IL17REL: variants seen among roughly 807,000 people sequenced by gnomAD.
IL17REL encodes the protein interleukin-17 receptor E-like protein.
IL17REL carries 36 observed loss-of-function variants against 49.0 expected under a neutral mutation model. The observed-to-expected ratio is 0.73, with a 90% CI of 0.56 to 0.97. IL17REL has a LOEUF of 0.97. Among genes scored for constraint, IL17REL ranks in the 50% least tolerant of loss-of-function variants. IL17REL has a pLI of 0.00. For synonymous variants in IL17REL, 206 were observed against 192.4 expected (o/e 1.07, Z -0.58); for missense variants, 470 against 453.9 (o/e 1.04, Z -0.32).
chr22:49,997,402 T>C, exon 11 of IL17REL: 1 of 1,613,702 alleles, frequency 6.2e-7, no homozygotes, highest in Non-Finnish European at 8.5e-7. Flanking sequence ...CAGGTGCACC[T>C]GGAAGTGGGC....
intron 1 of IL17REL, among the ~76,000 whole-genome samples, chr22:50,005,137 C>G (rs1333334056): frequency 6.6e-6 from 1 of 151,980 alleles, no homozygotes; most frequent in African/African-American, 2.4e-5. Context: ...CCCAACTAAG[C>G]TGACAAAATG....
At chr22:49,999,173 C>T (rs2061058066) in intron 7 of IL17REL, 118 bp downstream of exon 9, 3 of 1,252,340 alleles carry the variant, frequency 2.4e-6, no homozygotes, top group South Asian at 2.4e-5. Flanking sequence ...CGAGCAGGCT[C>T]AGGGATTTAG....
intron 7 of IL17REL, among the ~76,000 whole-genome samples, chr22:49,998,791 G>A (rs539843403): frequency 1.4e-4 from 21 of 151,794 alleles, no homozygotes; most frequent in South Asian, 1.0e-3. Context: ...GTGGGTGTGC[G>A]TATGCATGGG....
upstream of IL17REL, among the ~76,000 whole-genome samples, chr22:50,010,277 C>T (rs923566363): frequency 4.6e-5 from 7 of 152,208 alleles, no homozygotes; most frequent in African/African-American, 1.7e-4. Flanking sequence ...GAGGGGCCGG[C>T]GGAGCTGACC....
At chr22:50,001,918 C>A (rs1431347010) in intron 1 of IL17REL, among the ~76,000 whole-genome samples, 1 of 152,248 alleles carries the variant, frequency 6.6e-6, no homozygotes, top group Admixed American at 6.5e-5. Context: ...GCCACCGAGG[C>A]GTGGGACCCA....
intron 7 of IL17REL, among the ~76,000 whole-genome samples, chr22:49,998,941 G>A (rs933761988): frequency 2.0e-5 from 3 of 152,080 alleles, no homozygotes; most frequent in African/African-American, 7.2e-5. Flanking sequence ...GCATGTGTAT[G>A]GGCGTGTATG....
downstream of IL17REL, among the ~76,000 whole-genome samples, chr22:49,992,501 C>T (rs1008202837): frequency 6.6e-6 from 1 of 152,248 alleles, no homozygotes; most frequent in Non-Finnish European, 1.5e-5. Flanking sequence ...AATCATGGCT[C>T]ACTGCAGCCT....
chr22:50,010,292 G>A (rs1051017471), upstream of IL17REL, among the ~76,000 whole-genome samples: 1 of 152,246 alleles, frequency 6.6e-6, no homozygotes, highest in Non-Finnish European at 1.5e-5. Context: ...CTGACCCCAG[G>A]CTGCTGAGGG....
At chr22:50,009,403 C>G (rs2061126623), upstream of IL17REL, among the ~76,000 whole-genome samples, 1 of 152,174 alleles carries the variant, frequency 6.6e-6, no homozygotes, top group East Asian at 1.9e-4. Flanking sequence ...CGCAGACAGC[C>G]TGTGGGTGAG....
exon 3 of IL17REL, chr22:50,000,803 T>G: frequency 6.2e-7 from 1 of 1,604,290 alleles, no homozygotes; most frequent in African/African-American, 1.3e-5. Context: ...CCACACGCTC[T>G]GACACTGCGT....
intron 4 of IL17REL, 101 bp downstream of exon 5, chr22:50,000,377 T>A: frequency 1.2e-6 from 1 of 863,534 alleles, no homozygotes; most frequent in Non-Finnish European, 1.9e-6. Flanking sequence ...CGGGGATCTG[T>A]CCAGTGTGAG....
chr22:50,007,789 T>C (rs1322970349), intron 1 of IL17REL, among the ~76,000 whole-genome samples: 2 of 152,164 alleles, frequency 1.3e-5, no homozygotes, highest in Non-Finnish European at 1.5e-5. Flanking sequence ...TTAGAGGTCC[T>C]TGAGGTGAAG....
chr22:50,005,845 T>C (rs1372034176), intron 1 of IL17REL, among the ~76,000 whole-genome samples: 1 of 146,978 alleles, frequency 6.8e-6, no homozygotes, highest in Non-Finnish European at 1.5e-5. Flanking sequence ...ATACCAAAAA[T>C]AAAAATAAAA....
At chr22:50,008,495 G>A (rs1010241494) in intron 1 of IL17REL, 142 bp downstream of exon 2, 1 of 152,256 alleles carries the variant, frequency 6.6e-6, no homozygotes, top group Non-Finnish European at 1.5e-5. Context: ...GAGTGATAGA[G>A]GTTTGCCCTG....
At chr22:49,999,235 C>CA (rs2061058583) in intron 7 of IL17REL, 56 bp downstream of exon 9, 2 of 1,596,258 alleles carry the variant, frequency 1.3e-6, no homozygotes, top group African/African-American at 2.7e-5. Flanking sequence ...ATGGTGGAGT[C>CA]AGACTGGCCG....
chr22:49,997,358 G>A (rs772480796), exon 11 of IL17REL: 1 of 1,613,866 alleles, frequency 6.2e-7, no homozygotes, highest in East Asian at 2.2e-5. Flanking sequence ...AGTGTGCGTT[G>A]GCAGGCAGGG....
Position 49,998,609 on chromosome 22 carries a change from G to T in IL17REL, c.602-300C>A, listed in dbSNP as rs371177237. Among the ~76,000 whole-genome samples, 53 of 148,914 alleles carry T rather than the reference G, an allele frequency of 3.6e-4. No individual in the cohort carries two copies. In the South Asian group the frequency reaches 0.011, roughly 32 times the overall value. On this transcript the variant is annotated intron_variant, in intron 7 of 12. Transcript: ENST00000341280. ...TGTGTATGTGTACGTGTTTGCATGG[G>T]TGTCATGGGTATGGGTGTGCGTGAG...
upstream of IL17REL, among the ~76,000 whole-genome samples, chr22:50,009,442 A>G (rs2061126842): frequency 6.6e-6 from 1 of 152,178 alleles, no homozygotes; most frequent in African/African-American, 2.4e-5. Context: ...CCCGGCACCA[A>G]CGGCGTGGGA....
At chr22:49,998,053 A>C (rs563321137) in exon 9 of IL17REL, 1 of 1,592,352 alleles carries the variant, frequency 6.3e-7, no homozygotes, top group African/African-American at 1.4e-5. Flanking sequence ...CTGGGTGTCC[A>C]CCAGCGGGTA....
Sources: allele counts gnomAD v4.1 joint callset (sites outside exome capture counted in the v4.1 genomes callset), GRCh38; gene constraint gnomAD v4.1.1; transcripts MANE v1.5; gene names NCBI Gene and HGNC (gene_info 2026-07-23, HGNC 2026-07-21).